The following CRYBG1 variants were observed in gnomAD, a reference collection of about 807,000 sequenced individuals.
CRYBG1 encodes the protein crystallin beta-gamma domain containing 1.
In CRYBG1, 139 loss-of-function variants were observed where a neutral mutation model predicts 189.2. The ratio of observed to expected loss-of-function variants is 0.73; its 90% CI spans 0.64 to 0.85. The LOEUF is 0.85. Among genes scored for constraint, CRYBG1 ranks in the 40% least tolerant of loss-of-function variants. CRYBG1 has a pLI of 0.00. For synonymous variants in CRYBG1, 1,023 were observed against 1,017.1 expected, an observed-to-expected ratio of 1.01 and a Z score of -0.11; for missense variants, 2,611 against 2,675.8, an observed-to-expected ratio of 0.98 and a Z score of 0.53.
chr6:106,373,129 T>A (rs528913710), intron 1 of CRYBG1, among the ~76,000 whole-genome samples: 1 of 152,282 alleles, frequency 6.6e-6, no homozygotes, highest in African/African-American at 2.4e-5. Context: ...CTCCTTTTGA[T>A]TACATGCACC....
At chr6:106,488,167 G>A (rs928186207) in intron 2 of CRYBG1, among the ~76,000 whole-genome samples, 1 of 152,336 alleles carries the variant, frequency 6.6e-6, no homozygotes, top group Non-Finnish European at 1.5e-5. Flanking sequence ...GGGGCACTAA[G>A]CTGGTTGTTT....
chr6:106,562,160 G>T (rs916866402), intron 20 of CRYBG1, among the ~76,000 whole-genome samples: 1 of 152,126 alleles, frequency 6.6e-6, no homozygotes, highest in Admixed American at 6.5e-5. Context: ...CTGGTGCCCC[G>T]TGAGTCAGCA....
chr6:106,561,530 G>A, intron 20 of CRYBG1, 30 bp downstream of exon 20: 1 of 1,595,588 alleles, frequency 6.3e-7, no homozygotes, highest in East Asian at 2.2e-5. Flanking sequence ...GGGGGCCTGT[G>A]ATGGCTTTGC....
At chr6:106,461,295 A>T (rs747335809) in intron 2 of CRYBG1, among the ~76,000 whole-genome samples, 2 of 152,200 alleles carry the variant, frequency 1.3e-5, no homozygotes, top group Non-Finnish European at 2.9e-5. Flanking sequence ...ATTGCTAATG[A>T]TTCTAAACCA....
intron 8 of CRYBG1, among the ~76,000 whole-genome samples, chr6:106,530,695 G>T (rs997647838): frequency 5.9e-5 from 9 of 152,134 alleles, no homozygotes; most frequent in African/African-American, 1.4e-4. Flanking sequence ...AACACACATG[G>T]TACTTCCTTG....
At position 106,502,284 on chromosome 6, in the gene CRYBG1, T is replaced by C. The variant is rs1357549473; in HGVS notation, c.313-9146T>C. Among the ~76,000 whole-genome samples the C allele has an allele frequency of 4.6e-5, 7 of 152,250 alleles. No homozygotes were observed. In the East Asian group the frequency reaches 1.3e-3, roughly 29 times the overall value. On this transcript the variant is annotated intron_variant, in intron 2 of 21. Transcript: ENST00000633556. ...CATTCTTGATCTTTGACATGAATTA[T>C]TGCACAAGTCATTCTTTTTAAATTG...
At chr6:106,537,753 C>T (rs1774038701) in intron 8 of CRYBG1, among the ~76,000 whole-genome samples, 1 of 152,208 alleles carries the variant, frequency 6.6e-6, no homozygotes, top group Non-Finnish European at 1.5e-5. Context: ...ACGCCCTCTT[C>T]CCCAGGAACC....
chr6:106,376,838 G>A (rs1166247635), intron 1 of CRYBG1, among the ~76,000 whole-genome samples: 2 of 152,114 alleles, frequency 1.3e-5, no homozygotes, highest in African/African-American at 4.8e-5. Flanking sequence ...TATATTTTAG[G>A]TTTAGGGCTT....
At chr6:106,380,570 A>G (rs187761962) in intron 1 of CRYBG1, among the ~76,000 whole-genome samples, 4 of 152,370 alleles carry the variant, frequency 2.6e-5, no homozygotes, top group Non-Finnish European at 4.4e-5. Flanking sequence ...ATGAATTCAG[A>G]AAGAAGATGA....
At chr6:106,453,312 T>C (rs1281757491) in intron 2 of CRYBG1, among the ~76,000 whole-genome samples, 5 of 152,190 alleles carry the variant, frequency 3.3e-5, no homozygotes, top group Admixed American at 1.3e-4. Context: ...TGAAATTCAA[T>C]ACAGAATGCT....
intron 1 of CRYBG1, among the ~76,000 whole-genome samples, chr6:106,383,309 A>G (rs1057062592): frequency 1.3e-5 from 2 of 152,184 alleles, no homozygotes; most frequent in Non-Finnish European, 2.9e-5. Flanking sequence ...AAGTTTGAGA[A>G]CCAAGGATCT....
intron 3 of CRYBG1, among the ~76,000 whole-genome samples, chr6:106,517,051 C>T (rs1773440069): frequency 6.8e-6 from 1 of 146,994 alleles, no homozygotes; most frequent in South Asian, 2.2e-4. Context: ...ACTTTGTCAC[C>T]CAAGCTGGAG....
intron 18 of CRYBG1, among the ~76,000 whole-genome samples, chr6:106,559,906 G>A (rs1774660660): frequency 6.6e-6 from 1 of 151,876 alleles, no homozygotes; most frequent in Non-Finnish European, 1.5e-5. Context: ...ACAAGCCTGG[G>A]CAACATGTTG....
intron 2 of CRYBG1, among the ~76,000 whole-genome samples, chr6:106,494,135 C>T (rs980545570): frequency 6.6e-6 from 1 of 151,352 alleles, no homozygotes; most frequent in African/African-American, 2.4e-5. Flanking sequence ...TCACCAAAAA[C>T]AAATGTATGA....
chr6:106,472,072 GA>G (rs956713212), intron 2 of CRYBG1, among the ~76,000 whole-genome samples: 4 of 152,136 alleles, frequency 2.6e-5, no homozygotes, highest in Admixed American at 6.5e-5. Context: ...TTTGCAGAGA[GA>G]AAAATATCAC....
intron 2 of CRYBG1, among the ~76,000 whole-genome samples, chr6:106,462,083 A>T (rs1025227944): frequency 6.6e-6 from 1 of 152,208 alleles, no homozygotes; most frequent in African/African-American, 2.4e-5. Context: ...TATATTTGAA[A>T]ATATCCTGGC....
intron 2 of CRYBG1, among the ~76,000 whole-genome samples, chr6:106,458,262 T>G (rs1352406735): frequency 6.6e-6 from 1 of 152,250 alleles, no homozygotes; most frequent in Non-Finnish European, 1.5e-5. Flanking sequence ...GCTACTGTTG[T>G]TTCCAAGTTA....
Position 106,539,469 on chromosome 6 carries a change from T to C in CRYBG1, c.4785T>C (p.Pro1595=), listed in dbSNP as rs756437489. The C allele has an allele frequency of 5.6e-6, 9 of 1,614,066 alleles. No individual in the cohort carries two copies. The highest frequency in any genetic ancestry group is 1.6e-4 in the Middle Eastern group (1 of 6,062). The change falls in exon 9 of 22, where the codon CCT becomes CCC. Residue 1595 remains proline, a synonymous_variant. Coordinates refer to ENST00000633556, the MANE Select transcript of CRYBG1 (RefSeq NM_001371242.2). ...TCATCCTGGAACCTGGTGAATACCCTGACTTGTCCTTCTGGGATACAGAAG... is the reference window on the plus strand; with the variant it reads ...TCATCCTGGAACCTGGTGAATACCCCGACTTGTCCTTCTGGGATACAGAAG... The part of the protein sequence containing the change: ...VPFILEPGEY[P]DLSFWDTEEA...
chr6:106,455,040 C>A (rs1225543558), intron 2 of CRYBG1: 1 of 152,130 alleles, frequency 6.6e-6, no homozygotes, highest in South Asian at 2.1e-4. Context: ...AAAAGTGTAA[C>A]TACAAATTAG....
Sources: allele counts gnomAD v4.1 joint callset (sites outside exome capture counted in the v4.1 genomes callset), GRCh38; gene constraint gnomAD v4.1.1; transcripts MANE v1.5; gene names NCBI Gene and HGNC (gene_info 2026-07-23, HGNC 2026-07-21).